Variants in NFIA observed in about 807,000 individuals in gnomAD.
NFIA encodes nuclear factor I A, also known as nuclear factor 1 A-type.
In NFIA, 8 loss-of-function variants were observed where a neutral mutation model predicts 62.8. That is an observed-to-expected ratio of 0.13 (90% CI 0.07 to 0.23). The LOEUF (loss-of-function observed/expected upper bound fraction) is 0.23, where lower values mean the gene tolerates loss of function less well. Among genes scored for constraint, NFIA ranks in the 10% least tolerant of loss-of-function variants. NFIA has a pLI of 1.00. For synonymous variants in NFIA, 235 were observed against 238.1 expected, an observed-to-expected ratio of 0.99 and a Z score of 0.12; for missense variants, 410 against 642.1, an observed-to-expected ratio of 0.64 and a Z score of 3.91.
intron 6 of NFIA, among the ~76,000 whole-genome samples, chr1:61,366,546 A>C (rs1043521476): frequency 6.6e-6 from 1 of 152,224 alleles, no homozygotes; most frequent in Admixed American, 6.5e-5. Context: ...ATAAGGAATA[A>C]ATTTAGTTTT....
intron 2 of NFIA, among the ~76,000 whole-genome samples, chr1:61,275,948 T>A (rs1169350238): frequency 6.6e-6 from 1 of 152,120 alleles, no homozygotes. Flanking sequence ...CATTTCTAAT[T>A]TTTAGTCTAG....
intron 10 of NFIA, among the ~76,000 whole-genome samples, chr1:61,434,975 G>A (rs1667264739): frequency 6.6e-6 from 1 of 152,176 alleles, no homozygotes; most frequent in Admixed American, 6.5e-5. Context: ...TGAGTTGGTG[G>A]ACAGAACTGA....
chr1:61,424,192 A>G (rs549788870), intron 9 of NFIA, among the ~76,000 whole-genome samples: 4 of 152,200 alleles, frequency 2.6e-5, no homozygotes, highest in Admixed American at 6.5e-5. Context: ...TTGGCCTCAT[A>G]GAAATTTTGT....
chr1:61,288,836 T>C (rs549950214), intron 3 of NFIA, among the ~76,000 whole-genome samples: 104 of 152,294 alleles, frequency 6.8e-4, no homozygotes, highest in African/African-American at 2.2e-3. Context: ...GGTATGATCA[T>C]GGCTCACTGC....
At chr1:61,135,983 C>T (rs1191862382) in intron 2 of NFIA, among the ~76,000 whole-genome samples, 2 of 152,150 alleles carry the variant, frequency 1.3e-5, no homozygotes, top group Non-Finnish European at 2.9e-5. Context: ...CGCTTACGCT[C>T]GCATACATGT....
chr1:61,443,467 C>G lies in NFIA; in HGVS notation c.1513-11836C>G, dbSNP rs529226523. Among the ~76,000 whole-genome samples the G allele has an allele frequency of 6.6e-5, 10 of 152,270 alleles. No homozygotes were observed. In the South Asian group the frequency reaches 1.9e-3, roughly 28 times the overall value. On this transcript the variant is annotated intron_variant, in intron 10 of 10. Transcript: ENST00000403491. ...TTGCTTCTCTGAACCCCACCACCCC[C>G]ACAGCAGTGCTTACTCTTGAACTAT...
chr1:61,273,340 G>T (rs915049972), intron 2 of NFIA, among the ~76,000 whole-genome samples: 3 of 152,110 alleles, frequency 2.0e-5, no homozygotes, highest in Admixed American at 6.6e-5. Context: ...TGCTGCTTGG[G>T]CCAGTGGATC....
rs1178847499 is a variant in NFIA, at chr1:61,404,218, A to C, written c.1190A>C (p.Lys397Thr). Residue 397 changes from lysine to threonine, a missense_variant, in exon 8 of 11, where the codon AAA becomes ACA. By Grantham distance (78) the Lys-to-Thr change is moderately conservative. Coordinates refer to ENST00000403491, the MANE Select transcript of NFIA (RefSeq NM_001134673.4). ...AIRYHPQETL[K>T]EFVQLVCPDA... ...CGCTATCACCCTCAGGAGACGCTGA[A>C]AGAATTTGTCCAACTTGTCTGCCCT... 6.2e-7 allele frequency: 1 copy of C among 1,614,218 alleles called. No homozygotes were observed. The highest frequency in any genetic ancestry group is 1.7e-5 in the Admixed American group (1 of 60,024).
At chr1:61,244,507 G>A (rs17377295) in intron 2 of NFIA, among the ~76,000 whole-genome samples, 6,244 of 152,256 alleles carry the variant, frequency 0.041, 185 homozygotes, top group Non-Finnish European at 0.061. Context: ...AGGGCTAGGG[G>A]TTTAGCTGTT....
At chr1:61,304,462 C>CT (rs1490012506) in intron 3 of NFIA, among the ~76,000 whole-genome samples, 1 of 152,190 alleles carries the variant, frequency 6.6e-6, no homozygotes, top group East Asian at 1.9e-4. Context: ...CAAAGAGCTG[C>CT]TTGCCCACAA....
intron 2 of NFIA, among the ~76,000 whole-genome samples, chr1:61,127,488 C>T (rs1646996777): frequency 1.3e-5 from 2 of 151,854 alleles, no homozygotes; most frequent in South Asian, 2.1e-4. Context: ...TTGAGAAGTA[C>T]TCAGAGTAGA....
Position 61,257,824 on chromosome 1 carries a change from C to G in NFIA, c.560-19696C>G, listed in dbSNP as rs2100230249. On this transcript the variant is annotated intron_variant, in intron 2 of 10. Coordinates refer to ENST00000403491, the MANE Select transcript of NFIA (RefSeq NM_001134673.4). ...TCCTGGACTTAGGTGATCCTCTCAT[C>G]TCAGCCTCCTGAGTAACTAGGACTA... Among the ~76,000 whole-genome samples the G allele has an allele frequency of 2.0e-5, 3 of 150,924 alleles. No individual in the cohort carries two copies. The South Asian group carries it at 6.3e-4, about 32-fold the overall frequency.
At chr1:61,232,725 CAGTTT>C (rs779223670) in intron 2 of NFIA, among the ~76,000 whole-genome samples, 63 of 152,106 alleles carry the variant, frequency 4.1e-4, no homozygotes, top group Admixed American at 3.9e-3. Flanking sequence ...TCTTCCTTTC[CAGTTT>C]AGTTTAGTTT....
At chr1:61,311,071 G>A (rs1163475142) in intron 3 of NFIA, among the ~76,000 whole-genome samples, 1 of 152,056 alleles carries the variant, frequency 6.6e-6, no homozygotes, top group Non-Finnish European at 1.5e-5. Context: ...GTATTGCATC[G>A]CGTTTTCTGA....
At chr1:61,317,730 T>C (rs1050147496) in intron 3 of NFIA, among the ~76,000 whole-genome samples, 1 of 152,096 alleles carries the variant, frequency 6.6e-6, no homozygotes, top group Non-Finnish European at 1.5e-5. Context: ...GTGAAAAGAA[T>C]GTGGTTATTT....
intron 2 of NFIA, among the ~76,000 whole-genome samples, chr1:61,153,047 C>T (rs1319887160): frequency 6.6e-6 from 1 of 152,190 alleles, no homozygotes; most frequent in Non-Finnish European, 1.5e-5. Flanking sequence ...GGAGTGAATT[C>T]AGGCAGTGAA....
intron 2 of NFIA, among the ~76,000 whole-genome samples, chr1:61,118,875 G>T (rs539605981): frequency 5.9e-5 from 9 of 152,260 alleles, no homozygotes; most frequent in Admixed American, 5.9e-4. Context: ...TGCTGTTATA[G>T]CAGCAGAGGG....
chr1:61,082,737 C>G lies in NFIA; in HGVS notation c.-55C>G. On this transcript the variant is annotated 5_prime_UTR_variant, in exon 1 of 11. Coordinates refer to ENST00000403491, the MANE Select transcript of NFIA (RefSeq NM_001134673.4). ...TTCTCCTCTCTCACCCACACTCACG[C>G]ACACCTCCAAACCGCACACCCAGAC... 1 of 1,551,588 alleles carries G rather than the reference C, an allele frequency of 6.4e-7. No homozygotes were observed. Among genetic ancestry groups the G allele is most frequent in the Non-Finnish European group, 8.7e-7 (1 of 1,146,990 alleles).
intron 2 of NFIA, among the ~76,000 whole-genome samples, chr1:61,193,332 A>C (rs1651771131): frequency 6.6e-6 from 1 of 152,226 alleles, no homozygotes; most frequent in Non-Finnish European, 1.5e-5. Flanking sequence ...ACTGAATACT[A>C]CAAGAAGGAT....
Sources: gnomAD v4.1 joint callset for allele counts (sites outside exome capture counted in the v4.1 genomes callset) on GRCh38, gnomAD v4.1.1 for gene constraint, MANE v1.5 for transcripts, NCBI Gene and HGNC (gene_info 2026-07-23, HGNC 2026-07-21) for gene names.